C1orf185: variants seen among roughly 807,000 people sequenced by gnomAD.
The protein encoded by C1orf185 is chromosome 1 open reading frame 185.
C1orf185 carries 13 observed loss-of-function variants against 16.1 expected under a neutral mutation model. That is an observed-to-expected ratio of 0.81 (90% CI 0.53 to 1.28). C1orf185 has a LOEUF of 1.28. Ranked by LOEUF, C1orf185 falls within the 50% of genes most tolerant of loss-of-function variation. The probability of loss-of-function intolerance (pLI) is 0.00; values close to 1 mark genes in which losing one functional copy is unlikely to be tolerated. For missense variants in C1orf185, 220 were observed against 225.2 expected (o/e 0.98, Z 0.15); for synonymous variants, 80 against 76.9 (o/e 1.04, Z -0.21).
chr1:51,130,856 A>G (rs892308511), intron 3 of C1orf185, among the ~76,000 whole-genome samples: 1 of 152,164 alleles, frequency 6.6e-6, no homozygotes, highest in African/African-American at 2.4e-5. Context: ...TTTGACTATC[A>G]TAGTTTTACA....
chr1:51,147,951 C>G lies in C1orf185; in HGVS notation c.*180C>G. The stretch of plus-strand genomic sequence containing the variant: ...GCTTTTTTTGTTCTTTACCATAGAG[C>G]GGCTCTACTTCCCTTGCTGGTTCTT... On this transcript the variant is annotated 3_prime_UTR_variant, in exon 5 of 5. Coordinates refer to ENST00000371759, the MANE Select transcript of C1orf185 (RefSeq NM_001136508.2). 2 of 529,940 alleles carry G rather than the reference C, an allele frequency of 3.8e-6. No individual in the cohort carries two copies. The highest frequency in any genetic ancestry group is 6.3e-6 in the Non-Finnish European group (2 of 317,410). The allele number at this position is 529,940 out of a possible 1,614,324, so 32.8% of individuals were successfully genotyped here.
downstream of C1orf185, among the ~76,000 whole-genome samples, chr1:51,151,729 C>T (rs2148037132): frequency 6.6e-6 from 1 of 151,976 alleles, no homozygotes; most frequent in Non-Finnish European, 1.5e-5. Context: ...TGCTCTGTCA[C>T]CCAGGCTGGA....
chr1:51,113,555 C>T (rs1300482034), intron 2 of C1orf185, among the ~76,000 whole-genome samples: 7 of 151,956 alleles, frequency 4.6e-5, no homozygotes, highest in Non-Finnish European at 1.0e-4. Context: ...TGTAGCGGCA[C>T]ACACCTGTAG....
At chr1:51,127,885 G>GT (rs769457494) in intron 3 of C1orf185, among the ~76,000 whole-genome samples, 7,447 of 115,320 alleles carry the variant, frequency 0.065, 384 homozygotes, top group Non-Finnish European at 0.086. Context: ...TCTTTTCTTT[G>GT]TTTTTTTTTT....
At chr1:51,110,273 GT>G (rs935035786) in intron 1 of C1orf185, among the ~76,000 whole-genome samples, 1 of 152,080 alleles carries the variant, frequency 6.6e-6, no homozygotes, top group African/African-American at 2.4e-5. Context: ...CTGGCATATA[GT>G]ATTTGCAGTA....
At chr1:51,114,731 TAAGTA>T (rs1241187165) in intron 2 of C1orf185, among the ~76,000 whole-genome samples, 1 of 151,966 alleles carries the variant, frequency 6.6e-6, no homozygotes, top group Non-Finnish European at 1.5e-5. Flanking sequence ...CAAAAATAAA[TAAGTA>T]AATAAAGACT....
At chr1:51,149,548 C>T (rs1238521288), downstream of C1orf185, among the ~76,000 whole-genome samples, 2 of 152,170 alleles carry the variant, frequency 1.3e-5, no homozygotes, top group African/African-American at 4.8e-5. Flanking sequence ...ACCTGTTTTA[C>T]TCTCGATCCC....
intron 3 of C1orf185, among the ~76,000 whole-genome samples, chr1:51,122,898 A>C (rs1054608186): frequency 2.6e-5 from 4 of 152,210 alleles, no homozygotes; most frequent in Admixed American, 6.5e-5. Flanking sequence ...TGTGCATTTA[A>C]GCTTTCTCCA....
intron 3 of C1orf185, among the ~76,000 whole-genome samples, chr1:51,141,143 A>G (rs925340585): frequency 3.3e-5 from 5 of 152,234 alleles, no homozygotes; most frequent in African/African-American, 1.2e-4. Flanking sequence ...AACTAGAGAA[A>G]CGAGAACTCT....
At chr1:51,130,803 C>A (rs1646277633) in intron 3 of C1orf185, among the ~76,000 whole-genome samples, 1 of 152,166 alleles carries the variant, frequency 6.6e-6, no homozygotes, top group Admixed American at 6.5e-5. Flanking sequence ...ATTTTAATAT[C>A]AGGAAGTATG....
chr1:51,103,134 A>G (rs1325088545), intron 1 of C1orf185, among the ~76,000 whole-genome samples: 4 of 152,008 alleles, frequency 2.6e-5, no homozygotes, highest in Non-Finnish European at 4.4e-5. Context: ...GGCCAGGTAC[A>G]GTGGCTCTCA....
At chr1:51,126,983 A>ATTT (rs149976541) in intron 3 of C1orf185, among the ~76,000 whole-genome samples, 1 of 147,126 alleles carries the variant, frequency 6.8e-6, no homozygotes, top group South Asian at 2.2e-4. Context: ...GGGTTTGTTT[A>ATTT]TTTTTTTTTT....
intron 3 of C1orf185, among the ~76,000 whole-genome samples, chr1:51,122,205 A>G (rs1413806623): frequency 6.6e-6 from 1 of 152,142 alleles, no homozygotes; most frequent in Non-Finnish European, 1.5e-5. Flanking sequence ...TCTCTATGAA[A>G]TCTTTATAGA....
At position 51,111,370 on chromosome 1, in the gene C1orf185, C is replaced by CTTTT. The variant is rs35232347; in HGVS notation, c.17-1091_17-1090insTTTT. Among the ~76,000 whole-genome samples, 189 of 114,198 alleles carry CTTTT rather than the reference C, an allele frequency of 1.7e-3. 5 individuals carry two copies. Among genetic ancestry groups the CTTTT allele is most frequent in the Non-Finnish European group, 2.0e-3 (109 of 55,360 alleles). 74.9% of individuals were successfully genotyped at this position (114,198 alleles called of 152,430 possible). A position where few individuals can be genotyped will look rare whatever the true frequency, so the allele number is the denominator to read the frequency against. ...ATATTGCTTTCATTTAGCTTTCTTT[C>CTTTT]TTTCTTTTTTTTTTTTTTTGAGAGA... On this transcript the variant is annotated intron_variant, in intron 1 of 4. Transcript: ENST00000371759.
At chr1:51,136,621 T>C (rs542608312) in intron 3 of C1orf185, among the ~76,000 whole-genome samples, 1 of 152,280 alleles carries the variant, frequency 6.6e-6, no homozygotes, top group East Asian at 1.9e-4. Context: ...TGATCTGATC[T>C]TTGGCAAACC....
chr1:51,114,202 T>C (rs1007561133), intron 2 of C1orf185, among the ~76,000 whole-genome samples: 2 of 152,202 alleles, frequency 1.3e-5, no homozygotes, highest in Non-Finnish European at 2.9e-5. Context: ...GAAACAATCA[T>C]GAAATTGAAG....
At chr1:51,119,369 C>T (rs1023661700) in intron 3 of C1orf185, among the ~76,000 whole-genome samples, 4 of 152,188 alleles carry the variant, frequency 2.6e-5, no homozygotes, top group Non-Finnish European at 4.4e-5. Context: ...GAGACTAAAA[C>T]TACAATAGCT....
At chr1:51,149,847 C>G (rs1404923054), downstream of C1orf185, among the ~76,000 whole-genome samples, 2 of 152,200 alleles carry the variant, frequency 1.3e-5, no homozygotes, top group African/African-American at 4.8e-5. Context: ...CTTCCCTTGT[C>G]CCAGCCTTCA....
At chr1:51,133,314 T>A (rs1646299027) in intron 3 of C1orf185, among the ~76,000 whole-genome samples, 1 of 152,066 alleles carries the variant, frequency 6.6e-6, no homozygotes, top group Admixed American at 6.6e-5. Context: ...AAGAGACCTA[T>A]CTCACATGCA....
Sources: allele counts gnomAD v4.1 joint callset (sites outside exome capture counted in the v4.1 genomes callset), GRCh38; gene constraint gnomAD v4.1.1; transcripts MANE v1.5; gene names NCBI Gene and HGNC (gene_info 2026-07-23, HGNC 2026-07-21).